The following FNDC1 variants were observed in gnomAD, a reference collection of about 807,000 sequenced individuals.
FNDC1 encodes fibronectin type III domain-containing protein 1.
FNDC1 carries 96 observed loss-of-function variants against 168.0 expected under a neutral mutation model. The ratio of observed to expected loss-of-function variants is 0.57; its 90% confidence interval spans 0.48 to 0.68. FNDC1 has a LOEUF of 0.68. Ranked by LOEUF, FNDC1 falls within the 30% of genes least tolerant of loss-of-function variation. The pLI, the probability that FNDC1 is intolerant of heterozygous loss-of-function variation, is 0.00. For missense variants in FNDC1, 2,587 were observed against 2,482.1 expected, an observed-to-expected ratio of 1.04 and a Z score of -0.90; for synonymous variants, 1,099 against 1,025.9, an observed-to-expected ratio of 1.07 and a Z score of -1.36.
chr6:159,206,755 A>AT (rs1782494402), intron 4 of FNDC1, among the ~76,000 whole-genome samples: 1 of 152,230 alleles, frequency 6.6e-6, no homozygotes, highest in Non-Finnish European at 1.5e-5. Flanking sequence ...CCAAAAAAAA[A>AT]GATGTGTGCA....
rs752892864 is a variant in FNDC1 at position 159,232,828 on chromosome 6, G to T, written c.2316G>T (p.Ser772=). The part of the protein sequence containing the change: ...TMSSSVSSHL[S]SRTQVSEGAE... Reference sequence around the variant, plus strand: ...CCTCCTCCGTCTCTTCTCATCTCTCGTCCAGGACGCAGGTCTCTGAGGGAG... The same window carrying T: ...CCTCCTCCGTCTCTTCTCATCTCTCTTCCAGGACGCAGGTCTCTGAGGGAG... Residue 772 remains serine, a synonymous_variant, in exon 11 of 23, where the codon TCG becomes TCT. Transcript: ENST00000297267. The surrounding 1 kb of genome is among the most constrained non-coding windows in gnomAD (Gnocchi z 4.9). The T allele has an allele frequency of 1.9e-6, 3 of 1,613,898 alleles. No homozygotes were observed. Among genetic ancestry groups the T allele is most frequent in the Non-Finnish European group, 8.5e-7 (1 of 1,179,898 alleles).
chr6:159,189,591 G>A (rs1288739761), intron 1 of FNDC1, among the ~76,000 whole-genome samples: 6 of 152,184 alleles, frequency 3.9e-5, no homozygotes, highest in Admixed American at 2.0e-4. Flanking sequence ...CTGAAGAAAC[G>A]GCACCGATTT....
chr6:159,241,838 G>A (rs1783428042), intron 14 of FNDC1, among the ~76,000 whole-genome samples: 1 of 152,096 alleles, frequency 6.6e-6, no homozygotes, highest in African/African-American at 2.4e-5. Context: ...TTTGGGATAA[G>A]AATACATTCA....
intron 8 of FNDC1, among the ~76,000 whole-genome samples, chr6:159,226,187 T>C (rs541467616): frequency 4.6e-4 from 70 of 152,350 alleles, no homozygotes; most frequent in Admixed American, 1.4e-3. Flanking sequence ...AAGTTGGAAC[T>C]GGATCTTAAT....
chr6:159,239,805 C>T lies in FNDC1; in HGVS notation c.4469C>T (p.Thr1490Ile), dbSNP rs1475925677. 1.3e-6 allele frequency: 2 copies of T among 1,546,472 alleles called. No homozygotes were observed. Among genetic ancestry groups the T allele is most frequent in the East Asian group, 2.4e-5 (1 of 40,874 alleles). The change falls in exon 14 of 23, where the codon ACA (threonine) becomes ATA (isoleucine). Residue 1490 changes from threonine to isoleucine, a missense_variant. By Grantham distance (89) the Thr-to-Ile change is moderately conservative. Coordinates refer to ENST00000297267, the MANE Select transcript of FNDC1 (RefSeq NM_032532.3). Reference sequence around the variant, plus strand: ...ACGACCACCAGGCGTCCAACAACCACAGTCCGAACCACTACGCGGACAACC... The same window carrying T: ...ACGACCACCAGGCGTCCAACAACCATAGTCCGAACCACTACGCGGACAACC... ...RRTTTRRPTT[T>I]VRTTTRTTTT...
At chr6:159,253,991 C>T (rs548732890) in intron 17 of FNDC1, among the ~76,000 whole-genome samples, 8 of 152,238 alleles carry the variant, frequency 5.3e-5, no homozygotes, top group Admixed American at 2.0e-4. Context: ...CGGGAAATGC[C>T]GTGAGGAGGG....
chr6:159,174,814 G>A (rs1295669010), intron 1 of FNDC1, among the ~76,000 whole-genome samples: 1 of 152,218 alleles, frequency 6.6e-6, no homozygotes, highest in Non-Finnish European at 1.5e-5. Context: ...TGCAGCAGCT[G>A]GAAGATGGGG....
At chr6:159,220,007 A>G (rs886262527) in intron 5 of FNDC1, among the ~76,000 whole-genome samples, 5 of 152,226 alleles carry the variant, frequency 3.3e-5, no homozygotes, top group African/African-American at 1.2e-4. Context: ...CAAGTGTTAC[A>G]AACTATTCCC....
chr6:159,183,755 G>C (rs560216107), intron 1 of FNDC1, among the ~76,000 whole-genome samples: 1 of 152,320 alleles, frequency 6.6e-6, no homozygotes, highest in East Asian at 1.9e-4. Context: ...GGGAGGACCT[G>C]AGAAGACTTG....
At chr6:159,224,465 G>A (rs1303534467) in intron 7 of FNDC1, among the ~76,000 whole-genome samples, 2 of 152,092 alleles carry the variant, frequency 1.3e-5, no homozygotes, top group African/African-American at 4.8e-5. Flanking sequence ...AAACGAATGG[G>A]ATATGATGAC....
chr6:159,174,591 T>C (rs1206374159), intron 1 of FNDC1, among the ~76,000 whole-genome samples: 2 of 152,290 alleles, frequency 1.3e-5, no homozygotes, highest in Non-Finnish European at 2.9e-5. Context: ...TCTCCCTTAG[T>C]GCTTGCCTTT....
intron 6 of FNDC1, among the ~76,000 whole-genome samples, chr6:159,223,198 G>A (rs923529390): frequency 1.2e-4 from 18 of 151,732 alleles, no homozygotes; most frequent in Admixed American, 7.9e-4. Context: ...GGGTTTCACT[G>A]TGTTAGCCAG....
intron 19 of FNDC1, among the ~76,000 whole-genome samples, chr6:159,261,620 T>C (rs1475670168): frequency 1.3e-5 from 2 of 152,234 alleles, no homozygotes; most frequent in Admixed American, 6.5e-5. Flanking sequence ...ACACATGTCA[T>C]GTGGCTGACA....
At chr6:159,235,502 A>G (rs1783231314) in intron 11 of FNDC1, among the ~76,000 whole-genome samples, 1 of 152,176 alleles carries the variant, frequency 6.6e-6, no homozygotes. Context: ...ATAAATATTT[A>G]ATAAATAAAT....
At chr6:159,178,019 A>G (rs910927526) in intron 1 of FNDC1, among the ~76,000 whole-genome samples, 1 of 152,206 alleles carries the variant, frequency 6.6e-6, no homozygotes, top group Non-Finnish European at 1.5e-5. Flanking sequence ...CAGAATCAAA[A>G]TGGAGTCACT....
chr6:159,240,493 G>C (rs1783394663), intron 14 of FNDC1, among the ~76,000 whole-genome samples: 1 of 152,218 alleles, frequency 6.6e-6, no homozygotes, highest in Non-Finnish European at 1.5e-5. Context: ...TCCCTAGCAT[G>C]TTCGGCAGCT....
chr6:159,178,483 C>A (rs953598201), intron 1 of FNDC1, among the ~76,000 whole-genome samples: 2 of 152,076 alleles, frequency 1.3e-5, no homozygotes, highest in Non-Finnish European at 2.9e-5. Flanking sequence ...GCTGTAGTGC[C>A]GCATCCCAGC....
In FNDC1 at chr6:159,267,915, C is replaced by G. The variant is rs1264195873; in HGVS notation, c.5558C>G (p.Pro1853Arg). ...CCTCAGTCCTATGTAGAAGCCCTCC[C>G]TACTATTCAAGGTAATACAAACAAA... ...TGPQSYVEAL[P>R]TIQGYYRQYR... The change falls in exon 22 of 23, where the codon CCT (proline) becomes CGT (arginine). Residue 1853 changes from proline (P) to arginine (R), a missense_variant. By Grantham distance (103) the Pro-to-Arg change is moderately radical. Transcript: ENST00000297267. The G allele has an allele frequency of 6.2e-7, 1 of 1,609,808 alleles. No individual in the cohort carries two copies. Among genetic ancestry groups the G allele is most frequent in the Admixed American group, 1.7e-5 (1 of 59,492 alleles).
At chr6:159,170,997 T>G (rs1386560953) in intron 1 of FNDC1, among the ~76,000 whole-genome samples, 2 of 152,206 alleles carry the variant, frequency 1.3e-5, no homozygotes, top group African/African-American at 2.4e-5. Context: ...CTGAAAATGA[T>G]CTGAAACTGG....
Sources: allele counts gnomAD v4.1 joint callset (sites outside exome capture counted in the v4.1 genomes callset), GRCh38; gene constraint gnomAD v4.1.1; non-coding constraint Gnocchi (gnomAD v3.1); transcripts MANE v1.5; gene names NCBI Gene and HGNC (gene_info 2026-07-23, HGNC 2026-07-21).